LRCH3: variants seen among roughly 807,000 people sequenced by gnomAD.
LRCH3 encodes leucine rich repeats and calponin homology domain containing 3.
In LRCH3, 68 loss-of-function variants were observed where a neutral mutation model predicts 104.5. The ratio of observed to expected loss-of-function variants is 0.65; its 90% confidence interval spans 0.54 to 0.80. LRCH3 has a LOEUF of 0.80. Among genes scored for constraint, LRCH3 ranks in the 30% least tolerant of loss-of-function variants. LRCH3 has a pLI of 0.00. For missense variants in LRCH3, 951 were observed against 953.9 expected (o/e 1.00, Z 0.04); for synonymous variants, 344 against 361.3 (o/e 0.95, Z 0.54).
At chr3:197,812,049 C>A (rs1329151297) in intron 1 of LRCH3, among the ~76,000 whole-genome samples, 2 of 152,080 alleles carry the variant, frequency 1.3e-5, no homozygotes, top group African/African-American at 2.4e-5. Flanking sequence ...CCATTTTATC[C>A]ATTTTTAAGC....
chr3:197,856,879 T>G lies in LRCH3; in HGVS notation c.1645-1955T>G, dbSNP rs558420551. Among the ~76,000 whole-genome samples the G allele has an allele frequency of 6.6e-6, 1 of 152,362 alleles. No individual in the cohort carries two copies. The highest frequency in any genetic ancestry group is 2.4e-5 in the African/African-American group (1 of 41,572). ...TCTGTGCATCTACTGATTATTAAAT[T>G]GTTTTGTGATGAAAAGGTCTGATGA... On this transcript the variant is annotated intron_variant, in intron 14 of 20. Coordinates refer to ENST00000425562, the MANE Select transcript of LRCH3 (RefSeq NM_001365715.1). This position sits in a 1 kb window ranked among gnomAD's most constrained non-coding sequence, Gnocchi z 4.2.
At chr3:197,874,685 G>GT (rs1372184988) in intron 19 of LRCH3, among the ~76,000 whole-genome samples, 6 of 151,946 alleles carry the variant, frequency 3.9e-5, no homozygotes, top group African/African-American at 1.5e-4. Context: ...CTGCCTTAGT[G>GT]TTACACTGTT....
intron 1 of LRCH3, among the ~76,000 whole-genome samples, chr3:197,796,121 G>A (rs887783742): frequency 6.6e-6 from 1 of 152,162 alleles, no homozygotes; most frequent in African/African-American, 2.4e-5. Context: ...CGTATATGAG[G>A]AAGCTAGATA....
intron 9 of LRCH3, among the ~76,000 whole-genome samples, chr3:197,836,543 T>G (rs1736823020): frequency 6.6e-6 from 1 of 152,200 alleles, no homozygotes; most frequent in Admixed American, 6.5e-5. Context: ...TGAGAAACAC[T>G]TGGGCCCTTT....
At chr3:197,835,150 A>G (rs551457279) in intron 8 of LRCH3, among the ~76,000 whole-genome samples, 10 of 152,156 alleles carry the variant, frequency 6.6e-5, no homozygotes, top group Non-Finnish European at 1.2e-4. Context: ...TCTCAAAAAA[A>G]CAAAACAAAA....
intron 1 of LRCH3, among the ~76,000 whole-genome samples, chr3:197,814,423 C>G (rs1478106823): frequency 6.6e-6 from 1 of 152,236 alleles, no homozygotes; most frequent in Non-Finnish European, 1.5e-5. Context: ...AATGGGGACA[C>G]AGGCAAACCG....
intron 4 of LRCH3, among the ~76,000 whole-genome samples, chr3:197,824,376 T>C (rs1439851412): frequency 4.7e-5 from 7 of 149,854 alleles, no homozygotes; most frequent in Admixed American, 1.3e-4. Flanking sequence ...TTTTTTTTTT[T>C]CCCCTGGAGG....
intron 20 of LRCH3, chr3:197,882,210 C>G (rs1025705437): frequency 5.9e-5 from 58 of 985,244 alleles, no homozygotes; most frequent in Non-Finnish European, 6.9e-5. Flanking sequence ...CCGCGCAGGT[C>G]CTAGGGCGCT....
rs564548722 is a variant in LRCH3 at position 197,882,748 on chromosome 3, G to A, written c.2209-793G>A. On this transcript the variant is annotated intron_variant, in intron 20 of 20. Transcript: ENST00000425562. ...ACAAATTAACGATGCACACATTAAG[G>A]AAGCGTTTAACTTCCTCAAGCAAAC... 2.8e-5 allele frequency: 28 copies of A among 985,358 alleles called. No homozygotes were observed. In the South Asian group the frequency reaches 1.2e-3, roughly 41 times the overall value. 61.0% of individuals were successfully genotyped at this position (985,358 alleles called of 1,614,324 possible).
intron 4 of LRCH3, among the ~76,000 whole-genome samples, chr3:197,820,655 A>G (rs1450905780): frequency 6.6e-6 from 1 of 152,196 alleles, no homozygotes; most frequent in African/African-American, 2.4e-5. Context: ...CAGAAAATTA[A>G]CAAATTAGCC....
At chr3:197,844,372 G>A (rs1232001363) in intron 10 of LRCH3, among the ~76,000 whole-genome samples, 1 of 152,130 alleles carries the variant, frequency 6.6e-6, no homozygotes, top group African/African-American at 2.4e-5. Flanking sequence ...AGAGGGTGGT[G>A]TCCTAGAGGC....
chr3:197,822,357 C>T (rs1158257528), intron 4 of LRCH3, among the ~76,000 whole-genome samples: 3 of 152,128 alleles, frequency 2.0e-5, no homozygotes, highest in East Asian at 3.8e-4. Flanking sequence ...ACTCAGGACT[C>T]GCCTACTGTG....
At chr3:197,802,863 G>C (rs1385115844) in intron 1 of LRCH3, among the ~76,000 whole-genome samples, 4 of 152,146 alleles carry the variant, frequency 2.6e-5, no homozygotes, top group African/African-American at 9.7e-5. Flanking sequence ...CATAGCTTTG[G>C]AACAGTGACA....
intron 20 of LRCH3, among the ~76,000 whole-genome samples, chr3:197,878,679 C>T (rs766350925): frequency 4.6e-5 from 7 of 152,176 alleles, no homozygotes; most frequent in African/African-American, 7.2e-5. Context: ...AAAAATTAGT[C>T]ATCTGTCTAG....
intron 20 of LRCH3, among the ~76,000 whole-genome samples, chr3:197,879,843 T>C (rs1389078418): frequency 3.9e-5 from 6 of 151,982 alleles, no homozygotes; most frequent in Non-Finnish European, 1.5e-5. Context: ...TTTTTTTTTT[T>C]TTTAAATAGA....
intron 5 of LRCH3, among the ~76,000 whole-genome samples, chr3:197,828,077 A>AG (rs1462826858): frequency 1.7e-3 from 4 of 2,384 alleles, no homozygotes; most frequent in African/African-American, 0.016. Context: ...ACTCCGTCTC[A>AG]AAAAAAAAAA....
intron 15 of LRCH3, among the ~76,000 whole-genome samples, chr3:197,860,551 A>G (rs1370387216): frequency 1.3e-5 from 2 of 152,076 alleles, no homozygotes; most frequent in East Asian, 3.9e-4. Context: ...GGGACAGTGC[A>G]AGACTGTGTC....
chr3:197,867,338 C>T (rs1741609459), intron 17 of LRCH3, among the ~76,000 whole-genome samples: 1 of 150,194 alleles, frequency 6.7e-6, no homozygotes, highest in South Asian at 2.1e-4. Flanking sequence ...GTCGCTTGAA[C>T]CCAGGAGGTG....
chr3:197,794,106 G>A (rs1730929362), intron 1 of LRCH3, among the ~76,000 whole-genome samples: 2 of 152,030 alleles, frequency 1.3e-5, no homozygotes, highest in South Asian at 4.1e-4. Context: ...AGTATCACTG[G>A]TAGGATTTTG....
Sources: gnomAD v4.1 joint callset for allele counts (sites outside exome capture counted in the v4.1 genomes callset) on GRCh38, gnomAD v4.1.1 for gene constraint, Gnocchi (gnomAD v3.1) non-coding constraint, MANE v1.5 for transcripts, NCBI Gene and HGNC (gene_info 2026-07-23, HGNC 2026-07-21) for gene names.